The following HKDC1 variants were observed in gnomAD, a reference collection of about 807,000 sequenced individuals.
HKDC1 encodes the protein hexokinase HKDC1.
A neutral mutation model predicts 96.6 loss-of-function variants in HKDC1; 66 were observed. The observed-to-expected ratio is 0.68, with a 90% CI of 0.56 to 0.84. The LOEUF (loss-of-function observed/expected upper bound fraction) is 0.84, where lower values mean the gene tolerates loss of function less well. HKDC1 is among the 40% of genes least tolerant of loss of function. The pLI, the probability that HKDC1 is intolerant of heterozygous loss-of-function variation, is 0.00. For missense variants in HKDC1, 1,211 were observed against 1,208.1 expected, an observed-to-expected ratio of 1.00 and a Z score of -0.04; for synonymous variants, 466 against 473.1, an observed-to-expected ratio of 0.98 and a Z score of 0.20.
chr10:69,265,623 A>G lies in HKDC1; in HGVS notation c.2411A>G (p.Gln804Arg). 6.2e-7 allele frequency: 1 copy of G among 1,613,866 alleles called. No individual in the cohort carries two copies. The change falls in exon 17 of 18, where the codon CAG (glutamine) becomes CGG (arginine). Residue 804 changes from glutamine to arginine, a missense_variant. Physicochemically the swap from Gln to Arg is conservative, Grantham distance 43. Coordinates refer to ENST00000354624, the MANE Select transcript of HKDC1 (RefSeq NM_025130.4). ...LALLQVRRIL[Q>R]QLGLDSTCED... Reference sequence around the variant, plus strand: ...CTTCTCCAGGTCAGGAGGATTCTGCAGCAGCTGGGCCTGGACAGCACGTGT... The same window carrying G: ...CTTCTCCAGGTCAGGAGGATTCTGCGGCAGCTGGGCCTGGACAGCACGTGT...
chr10:69,237,075 G>T (rs1484823644), intron 4 of HKDC1, among the ~76,000 whole-genome samples: 1 of 152,126 alleles, frequency 6.6e-6, no homozygotes, highest in East Asian at 1.9e-4. Context: ...GCAGAGGGAT[G>T]GAAAGGGGAA....
chr10:69,239,056 G>A lies in HKDC1; in HGVS notation c.510G>A (p.Ser170=), dbSNP rs368682771. 2.7e-5 allele frequency: 44 copies of A among 1,613,170 alleles called. 1 individual carries two copies. In the South Asian group the frequency reaches 3.5e-4, roughly 13 times the overall value. Reference sequence around the variant, plus strand: ...TCTTCTCCCAGGGTGTCCTACTTTCGTGGACAAAAAAGTTTAAGGCACGAG... The same window carrying A: ...TCTTCTCCCAGGGTGTCCTACTTTCATGGACAAAAAAGTTTAAGGCACGAG... The part of the protein sequence containing the change: ...QTKLEEGVLL[S]WTKKFKARGV... The change falls in exon 5 of 18, where the codon TCG becomes TCA. Residue 170 remains serine (S), a synonymous_variant. Coordinates refer to ENST00000354624, the MANE Select transcript of HKDC1 (RefSeq NM_025130.4).
In HKDC1 at chr10:69,232,769, G is replaced by A; in HGVS notation, c.232G>A (p.Gly78Arg). 6.2e-7 allele frequency: 1 copy of A among 1,613,972 alleles called. No individual in the cohort carries two copies. Among genetic ancestry groups the A allele is most frequent in the Non-Finnish European group, 8.5e-7 (1 of 1,179,886 alleles). Residue 78 changes from glycine (G) to arginine (R), a missense_variant, in exon 3 of 18, where the codon GGG becomes AGG. Transcript: ENST00000354624. ...CTGAATTTGTTTCTTAATAGAAAAT[G>A]GGGAGTTCCTTTCCCTGGATCTCGG... ...VRAIPDGSEN[G>R]EFLSLDLGGS... is the part of the protein sequence containing the mutation.
At chr10:69,256,982 T>G (rs1042933319) in intron 12 of HKDC1, 54 bp from the exon 13 acceptor site, 1 of 1,324,758 alleles carries the variant, frequency 7.5e-7, no homozygotes, top group African/African-American at 1.4e-5. Flanking sequence ...GTTGAGGTTG[T>G]GCAGTGGCCC....
intron 6 of HKDC1, among the ~76,000 whole-genome samples, chr10:69,242,513 A>G (rs891539119): frequency 5.9e-5 from 9 of 151,926 alleles, no homozygotes; most frequent in African/African-American, 2.2e-4. Flanking sequence ...ATACGATTCA[A>G]TGATTTGTAG....
intron 5 of HKDC1, 63 bp downstream of exon 5, chr10:69,239,200 G>A (rs762447122): frequency 3.8e-5 from 48 of 1,270,712 alleles, no homozygotes; most frequent in Non-Finnish European, 5.2e-5. Context: ...TTGGGTTGGT[G>A]GGGCTGGGGG....
Position 69,247,456 on chromosome 10 carries a change from C to T in HKDC1, c.1128C>T (p.Thr376=), listed in dbSNP as rs1564732214. The part of the protein sequence containing the change: ...ADCIAVQHVC[T]IVSFRSANLC... ...GCATTGCCGTCCAGCATGTCTGTAC[C>T]ATCGTCTCCTTCCGCTCGGCCAATC... Residue 376 remains threonine (T), a synonymous_variant, in exon 9 of 18, where the codon ACC becomes ACT. Coordinates refer to ENST00000354624, the MANE Select transcript of HKDC1 (RefSeq NM_025130.4). 1.7e-5 allele frequency: 27 copies of T among 1,614,058 alleles called. No individual in the cohort carries two copies. Among genetic ancestry groups the T allele is most frequent in the Non-Finnish European group, 2.3e-5 (27 of 1,180,032 alleles).
intron 12 of HKDC1, among the ~76,000 whole-genome samples, chr10:69,255,940 C>A (rs1198532263): frequency 6.6e-6 from 1 of 150,452 alleles, no homozygotes; most frequent in South Asian, 2.1e-4. Context: ...ACAAAAAAAA[C>A]CTACTTTCTC....
Position 69,250,253 on chromosome 10 carries a change from C to G in HKDC1, c.1571-37C>G, listed in dbSNP as rs181060194. 5.3e-4 allele frequency: 840 copies of G among 1,595,474 alleles called. 3 individuals carry two copies. The African/African-American group carries it at 9.4e-3, about 18-fold the overall frequency. On this transcript the variant is annotated intron_variant, in intron 10 of 17. Coordinates refer to ENST00000354624, the MANE Select transcript of HKDC1 (RefSeq NM_025130.4). ...CCTCCCAATGCCCCGACACAAGTCCCTGTCATGGAATGCAGCTGCTGCTTT... is the reference window on the plus strand; with the variant it reads ...CCTCCCAATGCCCCGACACAAGTCCGTGTCATGGAATGCAGCTGCTGCTTT...
intron 16 of HKDC1, among the ~76,000 whole-genome samples, chr10:69,263,420 T>C (rs1453809063): frequency 6.6e-6 from 1 of 151,272 alleles, no homozygotes; most frequent in Non-Finnish European, 1.5e-5. Flanking sequence ...TTTAAAAGCT[T>C]CATGGAATAA....
chr10:69,240,820 G>A, intron 6 of HKDC1, 69 bp downstream of exon 6: 2 of 1,195,970 alleles, frequency 1.7e-6, no homozygotes, highest in African/African-American at 3.0e-5. Flanking sequence ...ATTTCAGCGA[G>A]CTCTGAGTGA....
intron 4 of HKDC1, among the ~76,000 whole-genome samples, chr10:69,237,851 A>C (rs142833264): frequency 1.4e-3 from 212 of 152,290 alleles, no homozygotes; most frequent in Non-Finnish European, 2.5e-3. Context: ...CTCGCGGTGA[A>C]ATTCAGAGCA....
chr10:69,250,242 G>A lies in HKDC1; in HGVS notation c.1571-48G>A, dbSNP rs575303698. 1.8e-4 allele frequency: 291 copies of A among 1,583,876 alleles called. 1 individual carries two copies. In the South Asian group the frequency reaches 2.8e-3, roughly 15 times the overall value. The stretch of plus-strand genomic sequence containing the variant: ...CGTCTCCTCTTCCTCCCAATGCCCC[G>A]ACACAAGTCCCTGTCATGGAATGCA... On this transcript the variant is annotated intron_variant, in intron 10 of 17. Transcript: ENST00000354624.
chr10:69,254,462 T>A (rs1393915868), intron 12 of HKDC1, among the ~76,000 whole-genome samples: 1 of 152,198 alleles, frequency 6.6e-6, no homozygotes, highest in African/African-American at 2.4e-5. Context: ...TCTCTTAAAC[T>A]TTTTCTTTTC....
intron 7 of HKDC1, among the ~76,000 whole-genome samples, chr10:69,245,779 G>A (rs1843531161): frequency 6.6e-6 from 1 of 152,130 alleles, no homozygotes; most frequent in Non-Finnish European, 1.5e-5. Context: ...GAAGCTTGAT[G>A]TAGGAGTGGG....
intron 15 of HKDC1, among the ~76,000 whole-genome samples, chr10:69,260,092 A>T (rs1843783127): frequency 6.6e-6 from 1 of 152,224 alleles, no homozygotes; most frequent in Admixed American, 6.5e-5. Context: ...CTTAATATAG[A>T]AAATAATGGG....
chr10:69,230,142 G>T (rs1302922438), intron 2 of HKDC1, among the ~76,000 whole-genome samples: 2 of 152,218 alleles, frequency 1.3e-5, no homozygotes, highest in Non-Finnish European at 2.9e-5. Flanking sequence ...TGGTCAGGGG[G>T]CTGCAGTGGT....
intron 1 of HKDC1, among the ~76,000 whole-genome samples, chr10:69,221,817 C>A (rs546296193): frequency 3.3e-5 from 5 of 151,790 alleles, no homozygotes; most frequent in South Asian, 2.1e-4. Flanking sequence ...CCTACAGTCC[C>A]AACTACTCGG....
At chr10:69,228,866 AAAAG>A (rs1270295053) in intron 2 of HKDC1, among the ~76,000 whole-genome samples, 5 of 151,484 alleles carry the variant, frequency 3.3e-5, no homozygotes, top group Non-Finnish European at 7.3e-5. Context: ...ACGCCATCAA[AAAAG>A]AAAGAAAGAA....
Sources: allele counts gnomAD v4.1 joint callset (sites outside exome capture counted in the v4.1 genomes callset), GRCh38; gene constraint gnomAD v4.1.1; transcripts MANE v1.5; gene names NCBI Gene and HGNC (gene_info 2026-07-23, HGNC 2026-07-21).